GPC6: variants seen among roughly 807,000 people sequenced by gnomAD.
The protein encoded by GPC6 is glypican 6.
In GPC6, 14 loss-of-function variants were observed where a neutral mutation model predicts 55.2. That is an observed-to-expected ratio of 0.25 (90% CI 0.17 to 0.40). The LOEUF is 0.40. Ranked by LOEUF, GPC6 falls within the 10% of genes least tolerant of loss-of-function variation. The pLI, the probability that GPC6 is intolerant of heterozygous loss-of-function variation, is 1.00. For missense variants in GPC6, 641 were observed against 708.5 expected (o/e 0.90, Z 1.08); for synonymous variants, 278 against 259.6 (o/e 1.07, Z -0.68).
intron 4 of GPC6, among the ~76,000 whole-genome samples, chr13:94,218,653 C>G (rs1890291798): frequency 1.3e-5 from 2 of 152,096 alleles, no homozygotes; most frequent in African/African-American, 4.8e-5. Flanking sequence ...CTGCTGCAGC[C>G]CTTGGTAACA....
chr13:94,202,176 G>A (rs897034234), intron 4 of GPC6, among the ~76,000 whole-genome samples: 10 of 152,072 alleles, frequency 6.6e-5, no homozygotes, highest in Admixed American at 1.3e-4. Context: ...AAAATCCTTT[G>A]TAAATTCTCA....
intron 1 of GPC6, among the ~76,000 whole-genome samples, chr13:93,452,067 A>G (rs1878248485): frequency 6.6e-6 from 1 of 152,218 alleles, no homozygotes; most frequent in Non-Finnish European, 1.5e-5. Context: ...TTTATGTTAC[A>G]GTAAACTTTA....
chr13:93,539,099 A>G (rs1008359490), intron 1 of GPC6, among the ~76,000 whole-genome samples: 1 of 152,214 alleles, frequency 6.6e-6, no homozygotes, highest in African/African-American at 2.4e-5. Context: ...ACAAATGACA[A>G]TATAAAAGTC....
At chr13:93,594,365 T>C (rs1877634610) in intron 2 of GPC6, among the ~76,000 whole-genome samples, 2 of 152,160 alleles carry the variant, frequency 1.3e-5, no homozygotes, top group Non-Finnish European at 2.9e-5. Context: ...TTCCCCTCTA[T>C]GTGTCCATAT....
At chr13:94,163,674 A>C (rs921609983) in intron 4 of GPC6, among the ~76,000 whole-genome samples, 10 of 152,172 alleles carry the variant, frequency 6.6e-5, no homozygotes, top group African/African-American at 2.4e-4. Context: ...GCCAAGTAGC[A>C]ATGCAACTGC....
chr13:94,283,446 A>C (rs1175233717), intron 4 of GPC6, among the ~76,000 whole-genome samples: 1 of 152,190 alleles, frequency 6.6e-6, no homozygotes, highest in Non-Finnish European at 1.5e-5. Flanking sequence ...TTCATTCCTA[A>C]CCAGAAACTC....
chr13:93,395,168 C>T, intron 1 of GPC6: 1 of 287,372 alleles, frequency 3.5e-6, no homozygotes, highest in Non-Finnish European at 6.8e-6. Context: ...TCCACCACCA[C>T]TATGGCTACC....
At chr13:93,626,679 A>G (rs764764557) in intron 2 of GPC6, among the ~76,000 whole-genome samples, 3 of 151,956 alleles carry the variant, frequency 2.0e-5, no homozygotes, top group Non-Finnish European at 2.9e-5. Context: ...GCACACGCCT[A>G]TAGGCCCAGC....
intron 1 of GPC6, among the ~76,000 whole-genome samples, chr13:93,483,991 T>G (rs1383700189): frequency 2.0e-5 from 3 of 152,208 alleles, no homozygotes; most frequent in African/African-American, 7.2e-5. Context: ...TTTGAATCAT[T>G]TAACTATTTT....
chr13:93,246,375 G>C (rs1415414974), intron 1 of GPC6, among the ~76,000 whole-genome samples: 1 of 151,288 alleles, frequency 6.6e-6, no homozygotes, highest in East Asian at 2.0e-4. Context: ...ATTAGCAGGG[G>C]CCAGTGCTTC....
intron 2 of GPC6, among the ~76,000 whole-genome samples, chr13:93,605,828 C>T (rs9589792): frequency 0.098 from 12,941 of 131,732 alleles, 1,963 homozygotes; most frequent in African/African-American, 0.33. Flanking sequence ...GGTGACAGAG[C>T]GAGACCGTCT....
At chr13:93,641,670 A>T (rs1879949050) in intron 2 of GPC6, among the ~76,000 whole-genome samples, 1 of 152,082 alleles carries the variant, frequency 6.6e-6, no homozygotes, top group Admixed American at 6.6e-5. Context: ...AATTGAATCA[A>T]GTCCCATGGG....
chr13:93,223,452 T>G (rs1018973418), upstream of GPC6, among the ~76,000 whole-genome samples: 4 of 152,090 alleles, frequency 2.6e-5, no homozygotes, highest in African/African-American at 9.7e-5. Context: ...TTGTTTGTTT[T>G]GTTTTTTTTG....
At chr13:93,877,593 G>A (rs1211318108) in intron 3 of GPC6, among the ~76,000 whole-genome samples, 1 of 151,986 alleles carries the variant, frequency 6.6e-6, no homozygotes, top group Admixed American at 6.6e-5. Flanking sequence ...TGATAGACTT[G>A]TCAATCCCTA....
At position 93,299,503 on chromosome 13, in the gene GPC6, T is replaced by G. The variant is rs1315502374; in HGVS notation, c.160+71887T>G. On this transcript the variant is annotated intron_variant, in intron 1 of 8. Coordinates refer to ENST00000377047, the MANE Select transcript of GPC6 (RefSeq NM_005708.5). ...CTGAGTTATTTTGATTTACCTAAAA[T>G]AATGGTTAAGAATTGGGTTCTCCTG... 5.3e-5 allele frequency among the ~76,000 whole-genome samples: 8 copies of G among 152,308 alleles called. No homozygotes were observed. The East Asian group carries it at 1.5e-3, about 29-fold the overall frequency.
intron 1 of GPC6, among the ~76,000 whole-genome samples, chr13:93,462,006 A>C (rs1247391047): frequency 6.6e-6 from 1 of 152,164 alleles, no homozygotes; most frequent in Non-Finnish European, 1.5e-5. Flanking sequence ...TCCAACCCAC[A>C]AGCCATGCCA....
chr13:94,406,702 C>G lies in GPC6; in HGVS notation c.*3485C>G, dbSNP rs1421710346. 6.6e-6 allele frequency: 1 copy of G among 152,080 alleles called. No individual in the cohort carries two copies. Among genetic ancestry groups the G allele is most frequent in the Admixed American group, 6.5e-5 (1 of 15,268 alleles). The allele number at this position is 152,080 out of a possible 1,614,324, so 9.4% of individuals were successfully genotyped here. On this transcript the variant is annotated 3_prime_UTR_variant, in exon 9 of 9. Coordinates refer to ENST00000377047, the MANE Select transcript of GPC6 (RefSeq NM_005708.5). ...GCCTTCTTTAATTCTTTTGCCATTACATACATGTTTCGGCTACAGACTGAA... is the reference window on the plus strand; with the variant it reads ...GCCTTCTTTAATTCTTTTGCCATTAGATACATGTTTCGGCTACAGACTGAA...
At chr13:93,690,998 T>C (rs973578354) in intron 2 of GPC6, among the ~76,000 whole-genome samples, 4 of 152,094 alleles carry the variant, frequency 2.6e-5, no homozygotes, top group African/African-American at 7.2e-5. Context: ...ACAATTAGTG[T>C]ATTTCTTCTC....
chr13:93,244,586 T>A (rs927999932), intron 1 of GPC6, among the ~76,000 whole-genome samples: 2 of 152,206 alleles, frequency 1.3e-5, no homozygotes, highest in Non-Finnish European at 2.9e-5. Flanking sequence ...AAAGCACTTC[T>A]CCATGCTGCT....
Sources: allele counts gnomAD v4.1 joint callset (sites outside exome capture counted in the v4.1 genomes callset), GRCh38; gene constraint gnomAD v4.1.1; transcripts MANE v1.5; gene names NCBI Gene and HGNC (gene_info 2026-07-23, HGNC 2026-07-21).